Variants in GRM8 observed in about 807,000 individuals in gnomAD.
The protein encoded by GRM8 is glutamate metabotropic receptor 8.
A neutral mutation model predicts 87.2 loss-of-function variants in GRM8; 47 were observed. The ratio of observed to expected loss-of-function variants is 0.54; its 90% CI spans 0.43 to 0.69. The LOEUF (loss-of-function observed/expected upper bound fraction) is 0.69, where lower values mean the gene tolerates loss of function less well. Ranked by LOEUF, GRM8 falls within the 30% of genes least tolerant of loss-of-function variation. GRM8 has a pLI of 0.00. For synonymous variants in GRM8, 396 were observed against 404.5 expected, an observed-to-expected ratio of 0.98 and a Z score of 0.25; for missense variants, 1,019 against 1,139.2, an observed-to-expected ratio of 0.89 and a Z score of 1.52.
At chr7:126,633,821 G>T (rs2151182241) in intron 7 of GRM8, among the ~76,000 whole-genome samples, 1 of 130,190 alleles carries the variant, frequency 7.7e-6, no homozygotes, top group African/African-American at 2.6e-5. Flanking sequence ...ATAACTATTT[G>T]GTACATATAG....
intron 2 of GRM8, among the ~76,000 whole-genome samples, chr7:127,195,590 C>T (rs1487858519): frequency 2.0e-5 from 3 of 152,154 alleles, no homozygotes; most frequent in Non-Finnish European, 2.9e-5. Context: ...CCCCTCCGGA[C>T]CTATGCACTT....
intron 2 of GRM8, among the ~76,000 whole-genome samples, chr7:127,179,355 C>T (rs907989638): frequency 1.3e-5 from 2 of 152,038 alleles, no homozygotes; most frequent in African/African-American, 2.4e-5. Context: ...ATATATAAAA[C>T]AATTACTAAT....
chr7:126,820,340 A>G (rs1481266644), intron 6 of GRM8, among the ~76,000 whole-genome samples: 4 of 152,256 alleles, frequency 2.6e-5, no homozygotes, highest in African/African-American at 9.6e-5. Context: ...TAATAAATAT[A>G]TGAAAAGCAT....
intron 7 of GRM8, among the ~76,000 whole-genome samples, chr7:126,734,075 T>A (rs749864763): frequency 6.6e-6 from 1 of 152,038 alleles, no homozygotes; most frequent in Non-Finnish European, 1.5e-5. Context: ...TCATAACACA[T>A]TAATAACATC....
intron 3 of GRM8, among the ~76,000 whole-genome samples, chr7:126,919,693 G>A (rs1183696124): frequency 6.6e-6 from 1 of 151,698 alleles, no homozygotes; most frequent in East Asian, 1.9e-4. Flanking sequence ...TAATAGCCTC[G>A]CTTTTCCTCT....
intron 6 of GRM8, among the ~76,000 whole-genome samples, chr7:126,834,230 G>T (rs572395961): frequency 6.6e-6 from 1 of 152,274 alleles, no homozygotes; most frequent in Admixed American, 6.5e-5. Flanking sequence ...AGAGGCAAAA[G>T]GAAAACACCT....
intron 3 of GRM8, among the ~76,000 whole-genome samples, chr7:126,954,558 T>C (rs1301853977): frequency 6.6e-6 from 1 of 152,168 alleles, no homozygotes; most frequent in Non-Finnish European, 1.5e-5. Flanking sequence ...TTCCCCCTTA[T>C]GAGAAATAGG....
rs3216284 is a variant in GRM8, at chr7:126,578,652, A to AG, written c.1494+30709dup. Among the ~76,000 whole-genome samples the AG allele has an allele frequency of 1.3e-3, 204 of 152,240 alleles. 1 individual carries two copies. Among genetic ancestry groups the AG allele is most frequent in the Admixed American group, 0.011 (171 of 15,290 alleles). ...TGCAGAGGTGTACTCTAGAAGGATG[A>AG]GGGGCTCCAGTTACAAAAAGCAGCT... On this transcript the variant is annotated intron_variant, in intron 8 of 10. Coordinates refer to ENST00000339582, the MANE Select transcript of GRM8 (RefSeq NM_000845.3).
intron 7 of GRM8, among the ~76,000 whole-genome samples, chr7:126,627,676 G>T (rs1383064873): frequency 6.6e-6 from 1 of 151,534 alleles, no homozygotes; most frequent in Non-Finnish European, 1.5e-5. Flanking sequence ...TATTCATTTA[G>T]GCCTTTTATG....
chr7:126,545,404 T>C (rs1170602514), intron 8 of GRM8, among the ~76,000 whole-genome samples: 1 of 152,228 alleles, frequency 6.6e-6, no homozygotes, highest in African/African-American at 2.4e-5. Context: ...GAGTGACCAT[T>C]TTTAATTGAA....
At chr7:127,032,023 C>A (rs1817424901) in intron 3 of GRM8, among the ~76,000 whole-genome samples, 1 of 152,106 alleles carries the variant, frequency 6.6e-6, no homozygotes, top group Non-Finnish European at 1.5e-5. Context: ...ATTATTAGCT[C>A]TTCTAGAAAG....
At chr7:127,222,101 G>T (rs977035377) in intron 2 of GRM8, among the ~76,000 whole-genome samples, 25 of 152,166 alleles carry the variant, frequency 1.6e-4, no homozygotes, top group Non-Finnish European at 3.5e-4. Context: ...GAGAATGAGG[G>T]TTTTCATTAC....
intron 1 of GRM8, among the ~76,000 whole-genome samples, chr7:127,248,253 C>T (rs893681563): frequency 6.6e-6 from 1 of 152,206 alleles, no homozygotes; most frequent in African/African-American, 2.4e-5. Flanking sequence ...GCTGCAGACA[C>T]ATTATTTCAT....
At chr7:126,542,974 G>C (rs1816720432) in intron 8 of GRM8, among the ~76,000 whole-genome samples, 1 of 152,168 alleles carries the variant, frequency 6.6e-6, no homozygotes, top group Non-Finnish European at 1.5e-5. Flanking sequence ...AAGGGCAAAA[G>C]ATGAATGAAA....
intron 6 of GRM8, among the ~76,000 whole-genome samples, chr7:126,814,580 C>T (rs1793597568): frequency 6.6e-6 from 1 of 152,016 alleles, no homozygotes; most frequent in South Asian, 2.1e-4. Context: ...ACAGCTTGCA[C>T]CCAATACATC....
intron 3 of GRM8, among the ~76,000 whole-genome samples, chr7:127,074,914 C>T (rs889598144): frequency 1.6e-4 from 24 of 152,146 alleles, no homozygotes; most frequent in Non-Finnish European, 2.9e-5. Context: ...TTAAGATGCT[C>T]CTCAGGTGTT....
intron 2 of GRM8, among the ~76,000 whole-genome samples, chr7:127,199,750 C>T (rs1468176567): frequency 2.7e-4 from 41 of 152,166 alleles, no homozygotes; most frequent in Admixed American, 2.6e-3. Context: ...TCCCGTTTTC[C>T]CCCAGTCCAA....
chr7:126,768,286 C>T (rs866304638), intron 7 of GRM8, among the ~76,000 whole-genome samples: 3 of 132,426 alleles, frequency 2.3e-5, no homozygotes, highest in South Asian at 2.4e-4. Context: ...GTCTATGTTC[C>T]CCAGTAAAGT....
intron 7 of GRM8, among the ~76,000 whole-genome samples, chr7:126,640,847 C>A (rs1291919573): frequency 6.6e-6 from 1 of 151,622 alleles, no homozygotes; most frequent in South Asian, 2.1e-4. Context: ...GAAGAGCGTC[C>A]CTATCTGAAT....
Sources: allele counts gnomAD v4.1 joint callset (sites outside exome capture counted in the v4.1 genomes callset), GRCh38; gene constraint gnomAD v4.1.1; transcripts MANE v1.5; gene names NCBI Gene and HGNC (gene_info 2026-07-23, HGNC 2026-07-21).